AMOTL1: variants seen among roughly 807,000 people sequenced by gnomAD.
The protein encoded by AMOTL1 is angiomotin-like protein 1.
In AMOTL1, 45 loss-of-function variants were observed where a neutral mutation model predicts 102.9. That is an observed-to-expected ratio of 0.44 (90% CI 0.34 to 0.56). The LOEUF (loss-of-function observed/expected upper bound fraction) is 0.56. AMOTL1 is among the 20% of genes least tolerant of loss of function. The pLI, the probability that AMOTL1 is intolerant of heterozygous loss-of-function variation, is 0.01. For synonymous variants in AMOTL1, 481 were observed against 484.7 expected (o/e 0.99, Z 0.10); for missense variants, 1,114 against 1,225.6 (o/e 0.91, Z 1.36).
chr11:94,870,174 C>T (rs1166739189), intron 12 of AMOTL1, among the ~76,000 whole-genome samples: 4 of 152,164 alleles, frequency 2.6e-5, no homozygotes, highest in African/African-American at 9.7e-5. Flanking sequence ...CCATTGGCTT[C>T]TCCACATCCT....
intron 6 of AMOTL1, among the ~76,000 whole-genome samples, chr11:94,849,510 A>T (rs1385538904): frequency 6.6e-6 from 1 of 152,106 alleles, no homozygotes; most frequent in African/African-American, 2.4e-5. Context: ...ATCACCATTG[A>T]ATGAGAGAAA....
intron 6 of AMOTL1, among the ~76,000 whole-genome samples, chr11:94,833,990 A>G (rs1165772621): frequency 1.3e-5 from 2 of 152,210 alleles, no homozygotes; most frequent in African/African-American, 2.4e-5. Flanking sequence ...TGCAACCCAC[A>G]GCTCAGTGAG....
intron 2 of AMOTL1, among the ~76,000 whole-genome samples, chr11:94,796,100 T>C (rs1037851327): frequency 6.6e-6 from 1 of 152,224 alleles, no homozygotes; most frequent in Non-Finnish European, 1.5e-5. Context: ...AGTTTGTTTT[T>C]ATTGTTTAAA....
upstream of AMOTL1, among the ~76,000 whole-genome samples, chr11:94,767,988 C>A (rs1226647037): frequency 6.6e-6 from 1 of 152,208 alleles, no homozygotes; most frequent in Non-Finnish European, 1.5e-5. Context: ...GAAAAAAAAC[C>A]AACCTAAGCA....
At chr11:94,762,451 C>T (rs1240010789) in intron 3 of AMOTL1, among the ~76,000 whole-genome samples, 1 of 152,174 alleles carries the variant, frequency 6.6e-6, no homozygotes, top group East Asian at 1.9e-4. Flanking sequence ...TAGAGGCCAT[C>T]CCTACAATGC....
Position 94,872,486 on chromosome 11 carries a change from CTTGG to C in AMOTL1, c.*1692_*1695del, listed in dbSNP as rs971254391. On this transcript the variant is annotated 3_prime_UTR_variant, in exon 13 of 13. Transcript: ENST00000433060. The stretch of plus-strand genomic sequence containing the variant: ...TGCTTGGATCCTAAAATGGACTGGT[CTTGG>C]GTGTGTAACCCCGGTGAAGTTATAG... The C allele has an allele frequency of 1.8e-4, 27 of 152,424 alleles. No homozygotes were observed. Among genetic ancestry groups the C allele is most frequent in the African/African-American group, 6.5e-4 (27 of 41,576 alleles). 9.4% of individuals were successfully genotyped at this position (152,424 alleles called of 1,614,324 possible). A position where few individuals can be genotyped will look rare whatever the true frequency, so the allele number is the denominator to read the frequency against.
intron 1 of AMOTL1, 79 bp downstream of exon 1, chr11:94,768,639 C>G: frequency 6.5e-7 from 1 of 1,543,126 alleles, no homozygotes; most frequent in Non-Finnish European, 8.8e-7. Flanking sequence ...CCGGGCTCCC[C>G]GGGCCCCTGC....
At chr11:94,782,415 A>T (rs1307228244) in intron 1 of AMOTL1, among the ~76,000 whole-genome samples, 1 of 152,200 alleles carries the variant, frequency 6.6e-6, no homozygotes, top group African/African-American at 2.4e-5. Flanking sequence ...ATATTAACAA[A>T]TGGGATTTTG....
chr11:94,822,800 C>T (rs1951891124), intron 4 of AMOTL1, among the ~76,000 whole-genome samples: 1 of 152,176 alleles, frequency 6.6e-6, no homozygotes, highest in African/African-American at 2.4e-5. Context: ...AGGTCAGCAT[C>T]TGATGTGCTA....
intron 6 of AMOTL1, among the ~76,000 whole-genome samples, chr11:94,846,030 A>T (rs1952403967): frequency 6.6e-6 from 1 of 152,220 alleles, no homozygotes; most frequent in African/African-American, 2.4e-5. Context: ...TGGTTTCACC[A>T]TGGGACTCTC....
At chr11:94,832,353 G>A (rs1214402711) in intron 6 of AMOTL1, among the ~76,000 whole-genome samples, 1 of 152,134 alleles carries the variant, frequency 6.6e-6, no homozygotes, top group Non-Finnish European at 1.5e-5. Flanking sequence ...GTCTTATGAT[G>A]GGGTCTTCTG....
rs74369057 is a variant in AMOTL1, at chr11:94,840,220, C to A, written c.1648+8679C>A. 2.7e-3 allele frequency among the ~76,000 whole-genome samples: 412 copies of A among 152,258 alleles called. 2 individuals carry two copies. The highest frequency in any genetic ancestry group is 9.5e-3 in the African/African-American group (396 of 41,542). ...AGTAACTCCGTGGTGTGGTTTCTTACAATTATTTTTCAAAACTATTTTTAG... is the reference window on the plus strand; with the variant it reads ...AGTAACTCCGTGGTGTGGTTTCTTAAAATTATTTTTCAAAACTATTTTTAG... On this transcript the variant is annotated intron_variant, in intron 6 of 12. Transcript: ENST00000433060.
chr11:94,865,921 CTG>C lies in AMOTL1; in HGVS notation c.2262-19_2262-18del. ...CTAGCCAAGTGGCTTTTTATGGAGA[CTG>C]TTTTGTTTTGTTTTACAGTATTAAA... On this transcript the variant is annotated intron_variant, in intron 10 of 12. Coordinates refer to ENST00000433060, the MANE Select transcript of AMOTL1 (RefSeq NM_130847.3). The C allele has an allele frequency of 6.3e-7, 1 of 1,597,420 alleles. No homozygotes were observed. The highest frequency in any genetic ancestry group is 8.6e-7 in the Non-Finnish European group (1 of 1,169,128).
chr11:94,792,400 TG>T (rs1177254629), intron 1 of AMOTL1, among the ~76,000 whole-genome samples: 2 of 152,222 alleles, frequency 1.3e-5, no homozygotes, highest in African/African-American at 4.8e-5. Flanking sequence ...CACACCAACA[TG>T]GCACATGTAT....
Position 94,874,979 on chromosome 11 carries a change from A to G in AMOTL1, c.*4184A>G, listed in dbSNP as rs1389579382. ...CACTCCTCTTAAGCAAAGGAGTACC[A>G]TGACCATAGTCAGTGGGATCCCACA... is the stretch of plus-strand genomic sequence containing the variant. On this transcript the variant is annotated 3_prime_UTR_variant, in exon 13 of 13. Transcript: ENST00000433060. 6.6e-6 allele frequency: 1 copy of G among 152,244 alleles called. No homozygotes were observed. 9.4% of individuals were successfully genotyped at this position (152,244 alleles called of 1,614,324 possible).
At chr11:94,866,802 T>C (rs940462266) in intron 11 of AMOTL1, 9 of 154,828 alleles carry the variant, frequency 5.8e-5, no homozygotes, top group African/African-American at 1.9e-4. Flanking sequence ...GGAGAGCACA[T>C]TGGAAGAAGT....
chr11:94,865,635 C>T (rs184543606), intron 10 of AMOTL1, among the ~76,000 whole-genome samples: 1 of 152,294 alleles, frequency 6.6e-6, no homozygotes, highest in Non-Finnish European at 1.5e-5. Flanking sequence ...CGGCCCCCAC[C>T]GCCAATGCTA....
At chr11:94,840,673 T>G in intron 6 of AMOTL1, among the ~76,000 whole-genome samples, 1 of 128,366 alleles carries the variant, frequency 7.8e-6, no homozygotes, top group Non-Finnish European at 1.6e-5. Context: ...TATATATATA[T>G]ATATATATAC....
At chr11:94,844,823 C>G (rs148797800) in intron 6 of AMOTL1, among the ~76,000 whole-genome samples, 1,776 of 152,270 alleles carry the variant, frequency 0.012, 43 homozygotes, top group African/African-American at 0.041. Flanking sequence ...CAAACCATAG[C>G]AAACACCTAT....
Sources: gnomAD v4.1 joint callset for allele counts (sites outside exome capture counted in the v4.1 genomes callset) on GRCh38, gnomAD v4.1.1 for gene constraint, MANE v1.5 for transcripts, NCBI Gene and HGNC (gene_info 2026-07-23, HGNC 2026-07-21) for gene names.